Variants in SYT10 observed in about 807,000 individuals in gnomAD.
SYT10 encodes the protein synaptotagmin 10.
SYT10 carries 31 observed loss-of-function variants against 51.1 expected under a neutral mutation model. That is an observed-to-expected ratio of 0.61 (90% CI 0.46 to 0.82). The LOEUF (loss-of-function observed/expected upper bound fraction) is 0.82. SYT10 is among the 40% of genes least tolerant of loss of function. The pLI is 0.00. For missense variants in SYT10, 603 were observed against 634.0 expected (o/e 0.95, Z 0.53); for synonymous variants, 233 against 225.9 (o/e 1.03, Z -0.28).
At chr12:33,408,296 A>G (rs1866376670) in intron 2 of SYT10, 1 of 152,158 alleles carries the variant, frequency 6.6e-6, no homozygotes, top group African/African-American at 2.4e-5. Flanking sequence ...CTTTTTTTCA[A>G]CATGCTGTGG....
intron 4 of SYT10, among the ~76,000 whole-genome samples, chr12:33,384,465 A>G (rs1591981567): frequency 6.6e-6 from 1 of 152,158 alleles, no homozygotes; most frequent in Non-Finnish European, 1.5e-5. Context: ...TACAACAAAT[A>G]CCTACCAGTC....
intron 3 of SYT10, among the ~76,000 whole-genome samples, chr12:33,398,568 A>G (rs954364737): frequency 6.6e-6 from 1 of 152,176 alleles, no homozygotes; most frequent in African/African-American, 2.4e-5. Context: ...CACAGCACAC[A>G]GTAACTAAAA....
At chr12:33,432,431 C>T (rs1866604921) in intron 1 of SYT10, 1 of 152,006 alleles carries the variant, frequency 6.6e-6, no homozygotes, top group Non-Finnish European at 1.5e-5. Flanking sequence ...TCACACATAG[C>T]ATCACATACA....
At chr12:33,406,212 AAAAAG>A (rs1159634773) in intron 3 of SYT10, among the ~76,000 whole-genome samples, 3 of 152,250 alleles carry the variant, frequency 2.0e-5, no homozygotes, top group African/African-American at 4.8e-5. Flanking sequence ...TTTTGTAATG[AAAAAG>A]AAAAGTTTTA....
chr12:33,378,838 G>A (rs1306876444), intron 6 of SYT10, among the ~76,000 whole-genome samples: 1 of 147,352 alleles, frequency 6.8e-6, no homozygotes, highest in African/African-American at 2.4e-5. Context: ...GTGTGTGTGT[G>A]TGTGTGTGTG....
intron 3 of SYT10, among the ~76,000 whole-genome samples, chr12:33,396,556 G>A (rs1049865518): frequency 1.3e-5 from 2 of 151,972 alleles, no homozygotes; most frequent in African/African-American, 4.8e-5. Context: ...AATATGTTTT[G>A]GAACCTATAA....
intron 3 of SYT10, among the ~76,000 whole-genome samples, chr12:33,400,761 C>G (rs149849912): frequency 2.0e-5 from 3 of 152,106 alleles, no homozygotes; most frequent in Non-Finnish European, 4.4e-5. Context: ...TGTGGTGGCT[C>G]ACGCCTGTAA....
chr12:33,426,744 A>G (rs1193712351), intron 1 of SYT10, among the ~76,000 whole-genome samples: 1 of 152,206 alleles, frequency 6.6e-6, no homozygotes, highest in Non-Finnish European at 1.5e-5. Context: ...TATGCATATT[A>G]TTTCCAAGTA....
intron 3 of SYT10, among the ~76,000 whole-genome samples, chr12:33,392,880 T>C (rs1419347327): frequency 6.7e-6 from 1 of 148,438 alleles, no homozygotes; most frequent in Admixed American, 6.8e-5. Context: ...AGGACACTGT[T>C]TAAGAATGCC....
chr12:33,423,369 G>C (rs1217241999), intron 2 of SYT10, among the ~76,000 whole-genome samples: 2 of 151,820 alleles, frequency 1.3e-5, no homozygotes, highest in Non-Finnish European at 2.9e-5. Context: ...GTGCATGTAG[G>C]TTTGATTTTG....
At chr12:33,408,728 G>A (rs1342769435) in intron 2 of SYT10, among the ~76,000 whole-genome samples, 1 of 152,148 alleles carries the variant, frequency 6.6e-6, no homozygotes, top group African/African-American at 2.4e-5. Flanking sequence ...CTAAACAGAT[G>A]TCTTCATTTC....
intron 3 of SYT10, among the ~76,000 whole-genome samples, chr12:33,401,843 A>G (rs1470259925): frequency 1.3e-5 from 2 of 152,342 alleles, no homozygotes; most frequent in South Asian, 4.1e-4. Context: ...ACATTCAAAA[A>G]GCATTTATTC....
intron 3 of SYT10, among the ~76,000 whole-genome samples, chr12:33,398,717 A>C (rs1421998252): frequency 2.0e-5 from 2 of 99,254 alleles, no homozygotes; most frequent in African/African-American, 4.1e-5. Flanking sequence ...AGCTATCTAA[A>C]CAATAACAAA....
chr12:33,393,132 G>A (rs1866224742), intron 3 of SYT10, among the ~76,000 whole-genome samples: 1 of 151,906 alleles, frequency 6.6e-6, no homozygotes, highest in Non-Finnish European at 1.5e-5. Context: ...TGACAGAGCT[G>A]AGGCCTTAAA....
rs576350508 is a variant in SYT10 at position 33,429,766 on chromosome 12, G to A, written c.152-3271C>T. Among the ~76,000 whole-genome samples, 4 of 152,210 alleles carry A rather than the reference G, an allele frequency of 2.6e-5. No homozygotes were observed. The East Asian group carries it at 7.7e-4, about 29-fold the overall frequency. On this transcript the variant is annotated intron_variant, in intron 1 of 6. Transcript: ENST00000228567. ...TGAACTCATAGGAGATTTTGGTTGGGGATCGAAATATTTGGATTTACAATG... is the reference window on the plus strand; with the variant it reads ...TGAACTCATAGGAGATTTTGGTTGGAGATCGAAATATTTGGATTTACAATG...
intron 3 of SYT10, among the ~76,000 whole-genome samples, chr12:33,397,010 C>T (rs935232849): frequency 1.3e-5 from 2 of 152,160 alleles, no homozygotes; most frequent in African/African-American, 2.4e-5. Context: ...GCAATGATCA[C>T]GGCTCTTTCT....
At chr12:33,385,108 T>A (rs1354018135) in intron 4 of SYT10, 63 bp downstream of exon 4, 2 of 1,577,328 alleles carry the variant, frequency 1.3e-6, no homozygotes, top group East Asian at 4.5e-5. Context: ...TGTATCATTT[T>A]TAGATACATG....
intron 2 of SYT10, among the ~76,000 whole-genome samples, chr12:33,409,656 G>A (rs1866389467): frequency 1.3e-5 from 2 of 151,948 alleles, no homozygotes; most frequent in Admixed American, 6.6e-5. Context: ...TGGGACTACA[G>A]GCGCCCCCTA....
chr12:33,383,758 T>G (rs1866135639), intron 4 of SYT10, among the ~76,000 whole-genome samples: 1 of 152,078 alleles, frequency 6.6e-6, no homozygotes, highest in South Asian at 2.1e-4. Flanking sequence ...ACTGGGTCTT[T>G]GGTTGATTCA....
Sources: gnomAD v4.1 joint callset for allele counts (sites outside exome capture counted in the v4.1 genomes callset) on GRCh38, gnomAD v4.1.1 for gene constraint, MANE v1.5 for transcripts, NCBI Gene and HGNC (gene_info 2026-07-23, HGNC 2026-07-21) for gene names.